The following EGF variants were observed in gnomAD, a reference collection of about 807,000 sequenced individuals.
EGF encodes the protein epidermal growth factor.
In EGF, 95 loss-of-function variants were observed where a neutral mutation model predicts 143.8. The ratio of observed to expected loss-of-function variants is 0.66; its 90% confidence interval spans 0.56 to 0.78. The LOEUF (loss-of-function observed/expected upper bound fraction) is 0.78, where lower values mean the gene tolerates loss of function less well. EGF is among the 30% of genes least tolerant of loss of function. The pLI, the probability that EGF is intolerant of heterozygous loss-of-function variation, is 0.00. For missense variants in EGF, 1,320 were observed against 1,470.9 expected, an observed-to-expected ratio of 0.90 and a Z score of 1.68; for synonymous variants, 510 against 510.5, an observed-to-expected ratio of 1.00 and a Z score of 0.01.
chr4:109,999,425 G>A (rs553936073), intron 20 of EGF, among the ~76,000 whole-genome samples: 1 of 152,302 alleles, frequency 6.6e-6, no homozygotes, highest in East Asian at 1.9e-4. Context: ...TCAATGTCCT[G>A]TAATGCCTTA....
rs570910906 is a variant in EGF at position 110,004,432 on chromosome 4, C to G, written c.3174-73C>G. ...TTTAGTAGCAAAAGCAGTTAGTTGT[C>G]CCTGATCATCACTGAGTGGGCTGAG... On this transcript the variant is annotated intron_variant, in intron 21 of 23. Transcript: ENST00000265171. The G allele has an allele frequency of 8.5e-6, 11 of 1,289,412 alleles. No individual in the cohort carries two copies. The Admixed American group carries it at 1.8e-4, about 22-fold the overall frequency. The allele number at this position is 1,289,412 out of a possible 1,614,324, so 79.9% of individuals were successfully genotyped here.
Position 109,935,426 on chromosome 4 carries a change from T to G in EGF, c.128-5520T>G, listed in dbSNP as rs575396654. Among the ~76,000 whole-genome samples, 182 of 152,352 alleles carry G rather than the reference T, an allele frequency of 1.2e-3. No individual in the cohort carries two copies. In the Middle Eastern group the frequency reaches 0.02, roughly 17 times the overall value. ...TTTGTATCCTGAGAGTTTGCTGAAG[T>G]TGCCTATCAGCTTAAGGAGATTTTG... is the stretch of plus-strand genomic sequence containing the variant. On this transcript the variant is annotated intron_variant, in intron 1 of 23. Transcript: ENST00000265171.
rs771708585 is a variant in EGF, at chr4:109,960,982, A to C, written c.1182A>C (p.Arg394=). Residue 394 remains arginine (R), a synonymous_variant, in exon 7 of 24, where the codon CGA becomes CGC. Transcript: ENST00000265171. The stretch of plus-strand genomic sequence containing the variant: ...TTGTTCTGCTTCCTGATGGGAAACG[A>C]TGTCATCGTAAGTTATAGCAACAAG... ...VGFVLLPDGK[R]CHQLVSCPRN... 1.2e-6 allele frequency: 2 copies of C among 1,613,860 alleles called. No individual in the cohort carries two copies. The highest frequency in any genetic ancestry group is 1.7e-6 in the Non-Finnish European group (2 of 1,179,868).
intron 12 of EGF, 118 bp from the exon 13 acceptor site, chr4:109,975,894 C>A: frequency 8.8e-7 from 1 of 1,142,712 alleles, no homozygotes; most frequent in South Asian, 1.3e-5. Flanking sequence ...CTTCTGTATT[C>A]CTTAGTGTAC....
chr4:109,913,230 C>A lies in EGF; in HGVS notation c.-106C>A, dbSNP rs1736011659. On this transcript the variant is annotated 5_prime_UTR_variant, in exon 1 of 24. Transcript: ENST00000265171. ...GTAAAAGATGCCCCAGGGCTGAGGC[C>A]TCCGCTCAGGCAGCCGCATCTGGGG... is the stretch of plus-strand genomic sequence containing the variant. The A allele has an allele frequency of 1.4e-6, 2 of 1,470,696 alleles. No homozygotes were observed. Among genetic ancestry groups the A allele is most frequent in the African/African-American group, 2.8e-5 (2 of 71,890 alleles). 91.1% of individuals were successfully genotyped at this position (1,470,696 alleles called of 1,614,324 possible).
intron 1 of EGF, among the ~76,000 whole-genome samples, chr4:109,931,026 A>G (rs1010961814): frequency 1.3e-5 from 2 of 152,210 alleles, no homozygotes; most frequent in Non-Finnish European, 2.9e-5. Flanking sequence ...ACTGCACCCA[A>G]AACAAATGTT....
chr4:110,002,033 C>T (rs983140534), intron 21 of EGF: 1 of 985,418 alleles, frequency 1.0e-6, no homozygotes, highest in Non-Finnish European at 1.2e-6. Context: ...CCATGTCATA[C>T]TCAACTGTAC....
chr4:110,001,339 A>G (rs1239533840), intron 21 of EGF, among the ~76,000 whole-genome samples: 3 of 152,218 alleles, frequency 2.0e-5, no homozygotes, highest in Non-Finnish European at 4.4e-5. Context: ...CAAAAGAGTC[A>G]TATGCTCTAA....
intron 1 of EGF, among the ~76,000 whole-genome samples, chr4:109,930,108 G>A (rs948353718): frequency 6.6e-6 from 1 of 152,116 alleles, no homozygotes; most frequent in Non-Finnish European, 1.5e-5. Flanking sequence ...TTTGCCTTCC[G>A]CCATGATTGT....
intron 3 of EGF, 125 bp downstream of exon 3, chr4:109,943,560 AGGCACCGTTTTCTATAG>A: frequency 9.3e-7 from 1 of 1,080,148 alleles, no homozygotes; most frequent in Non-Finnish European, 1.4e-6. Context: ...TGCAGCACAC[AGGCACCGTTTTCTATAG>A]GACAGTTGCC....
At chr4:109,968,892 C>T (rs1747098496) in intron 10 of EGF, 79 bp from the exon 11 acceptor site, 1 of 1,594,302 alleles carries the variant, frequency 6.3e-7, no homozygotes. Flanking sequence ...CCCTGTACAA[C>T]CTAAAGACTA....
In EGF at chr4:110,012,470, C is replaced by T. The variant is rs989468160; in HGVS notation, c.*1015C>T. ...CTCAGTGCAGCCTCAAACTCCTGGG[C>T]TCAAGCAATCCTCCTGCCTCAGCCT... On this transcript the variant is annotated 3_prime_UTR_variant, in exon 24 of 24. Transcript: ENST00000265171. 5.9e-5 allele frequency among the ~76,000 whole-genome samples: 9 copies of T among 151,934 alleles called. No individual in the cohort carries two copies. The highest frequency in any genetic ancestry group is 2.2e-4 in the African/African-American group (9 of 41,424).
In EGF at chr4:109,937,606, G is replaced by A. The variant is rs534930895; in HGVS notation, c.128-3340G>A. Among the ~76,000 whole-genome samples, 76 of 151,170 alleles carry A rather than the reference G, an allele frequency of 5.0e-4. 1 individual carries two copies. The South Asian group carries it at 6.0e-3, about 12-fold the overall frequency. ...TGGTGCTAGCTGGTTTCTTCATAGC[G>A]TCCATGGTCTTTACCATTTGACATG... On this transcript the variant is annotated intron_variant, in intron 1 of 23. Transcript: ENST00000265171.
intron 8 of EGF, 90 bp downstream of exon 8, chr4:109,962,075 G>A: frequency 6.3e-7 from 1 of 1,578,866 alleles, no homozygotes; most frequent in East Asian, 2.3e-5. Flanking sequence ...TGTCAAGGAA[G>A]AATTGATTTT....
At chr4:109,995,475 G>A (rs1751662087) in intron 20 of EGF, among the ~76,000 whole-genome samples, 1 of 152,154 alleles carries the variant, frequency 6.6e-6, no homozygotes, top group African/African-American at 2.4e-5. Context: ...TTCACAGTGG[G>A]TAACGTGTCA....
At chr4:109,979,534 A>G (rs868453554) in intron 13 of EGF, among the ~76,000 whole-genome samples, 2 of 152,170 alleles carry the variant, frequency 1.3e-5, no homozygotes, top group African/African-American at 4.8e-5. Context: ...AAATCCTTAC[A>G]AGAACTTGTG....
Position 109,960,858 on chromosome 4 carries a change from A to G in EGF, c.1067-9A>G. 2 of 1,613,748 alleles carry G rather than the reference A, an allele frequency of 1.2e-6. No homozygotes were observed. Among genetic ancestry groups the G allele is most frequent in the Non-Finnish European group, 1.7e-6 (2 of 1,179,806 alleles). On this transcript the variant is annotated splice_polypyrimidine_tract_variant and intron_variant, in intron 6 of 23. Coordinates refer to ENST00000265171, the MANE Select transcript of EGF (RefSeq NM_001963.6). ...CATTTGAATGTATTGTGCTGTTGTC[A>G]TTGTGCAGATGTTAATGAATGTGCT...
At chr4:109,956,039 G>C (rs1384310332) in intron 5 of EGF, among the ~76,000 whole-genome samples, 4 of 152,164 alleles carry the variant, frequency 2.6e-5, no homozygotes, top group Non-Finnish European at 4.4e-5. Flanking sequence ...TTCTTCATTA[G>C]ACAGTTTGAT....
intron 23 of EGF, among the ~76,000 whole-genome samples, chr4:110,008,963 A>G (rs1753671449): frequency 6.6e-6 from 1 of 152,218 alleles, no homozygotes; most frequent in South Asian, 2.1e-4. Context: ...TTTAGCCAAC[A>G]AAAACAGCTC....
Sources: allele counts gnomAD v4.1 joint callset (sites outside exome capture counted in the v4.1 genomes callset), GRCh38; gene constraint gnomAD v4.1.1; transcripts MANE v1.5; gene names NCBI Gene and HGNC (gene_info 2026-07-23, HGNC 2026-07-21).